The following DOCK4 variants were observed in gnomAD, a reference collection of about 807,000 sequenced individuals.
DOCK4 encodes the protein dedicator of cytokinesis 4.
In DOCK4, 97 loss-of-function variants were observed where a neutral mutation model predicts 268.1. That is an observed-to-expected ratio of 0.36 (90% CI 0.31 to 0.43). The LOEUF (loss-of-function observed/expected upper bound fraction) is 0.43, where lower values mean the gene tolerates loss of function less well. DOCK4 is among the 20% of genes least tolerant of loss of function. The pLI is 1.00. For missense variants in DOCK4, 2,145 were observed against 2,455.7 expected, an observed-to-expected ratio of 0.87 and a Z score of 2.67; for synonymous variants, 954 against 887.2, an observed-to-expected ratio of 1.08 and a Z score of -1.34.
intron 1 of DOCK4, among the ~76,000 whole-genome samples, chr7:112,135,555 T>A (rs971633129): frequency 2.0e-5 from 3 of 152,170 alleles, no homozygotes; most frequent in African/African-American, 7.2e-5. Flanking sequence ...TCTCCTTTAA[T>A]CAACAGAAAG....
intron 1 of DOCK4, among the ~76,000 whole-genome samples, chr7:112,150,190 C>T (rs1052091284): frequency 6.6e-6 from 1 of 152,114 alleles, no homozygotes; most frequent in South Asian, 2.1e-4. Flanking sequence ...AGAAATTTCT[C>T]CTTCTAAGAC....
chr7:112,135,351 T>C (rs764460574), intron 1 of DOCK4, among the ~76,000 whole-genome samples: 3 of 152,184 alleles, frequency 2.0e-5, no homozygotes, highest in Non-Finnish European at 4.4e-5. Flanking sequence ...TAAGCATCTA[T>C]CTATTCTTAC....
chr7:112,135,380 C>A (rs1341459359), intron 1 of DOCK4, among the ~76,000 whole-genome samples: 1 of 151,828 alleles, frequency 6.6e-6, no homozygotes, highest in Non-Finnish European at 1.5e-5. Flanking sequence ...ATTATACTTC[C>A]CTGATGCAGT....
chr7:111,793,214 T>A (rs1799671608), intron 30 of DOCK4, among the ~76,000 whole-genome samples: 1 of 152,202 alleles, frequency 6.6e-6, no homozygotes, highest in Non-Finnish European at 1.5e-5. Context: ...CACAGCTAAA[T>A]ATTTTAGATT....
intron 45 of DOCK4, 100 bp from the exon 46 acceptor site, chr7:111,741,761 C>A: frequency 7.1e-7 from 1 of 1,418,098 alleles, no homozygotes; most frequent in South Asian, 1.5e-5. Context: ...TAATTGCCAT[C>A]AAGTCTTCAC....
chr7:111,738,125 C>T (rs534428476), intron 49 of DOCK4, among the ~76,000 whole-genome samples: 1 of 152,208 alleles, frequency 6.6e-6, no homozygotes, highest in Non-Finnish European at 1.5e-5. Context: ...AAACTCAGGG[C>T]TACCCATGAA....
At chr7:111,849,599 A>T (rs1209597566) in intron 23 of DOCK4, among the ~76,000 whole-genome samples, 1 of 152,100 alleles carries the variant, frequency 6.6e-6, no homozygotes, top group Non-Finnish European at 1.5e-5. Context: ...CCAATATCTG[A>T]TGATCCTTCA....
chr7:111,972,298 C>A (rs1051608189), intron 8 of DOCK4, among the ~76,000 whole-genome samples: 1 of 151,560 alleles, frequency 6.6e-6, no homozygotes, highest in African/African-American at 2.4e-5. Context: ...AGGCCTTGGG[C>A]CAGAGCACGG....
intron 30 of DOCK4, among the ~76,000 whole-genome samples, chr7:111,804,573 T>C (rs1373019483): frequency 6.6e-6 from 1 of 152,006 alleles, no homozygotes; most frequent in East Asian, 1.9e-4. Context: ...GCCTGAAAAA[T>C]AGTTAGAATG....
rs552009581 is a variant in DOCK4, at chr7:111,912,857, C to CT, written c.1192+2921dup. ...TTACTAAATAACAATTAGACTTTTT[C>CT]TTTTTTTTTTGCTTTTAAACTTCAA... On this transcript the variant is annotated intron_variant, in intron 13 of 52. Coordinates refer to ENST00000428084, the MANE Select transcript of DOCK4 (RefSeq NM_001363540.2). Among the ~76,000 whole-genome samples, 1,127 of 144,714 alleles carry CT rather than the reference C, an allele frequency of 7.8e-3. 14 individuals are homozygous for CT. The highest frequency in any genetic ancestry group is 0.025 in the African/African-American group (983 of 39,454). 94.9% of individuals were successfully genotyped at this position (144,714 alleles called of 152,430 possible). A position where few individuals can be genotyped will look rare whatever the true frequency, so the allele number is the denominator to read the frequency against.
At chr7:112,019,857 A>C (rs960307785) in intron 1 of DOCK4, among the ~76,000 whole-genome samples, 6 of 152,100 alleles carry the variant, frequency 3.9e-5, no homozygotes, top group African/African-American at 9.7e-5. Context: ...TGAAGTCTTT[A>C]AAAAAAATTC....
At chr7:111,869,794 T>C (rs1333294651) in intron 20 of DOCK4, 139 bp from the exon 21 acceptor site, 2 of 677,514 alleles carry the variant, frequency 3.0e-6, no homozygotes, top group Non-Finnish European at 5.1e-6. Context: ...ATCTGCTGTA[T>C]AATAATTTTA....
At chr7:112,205,772 G>GACACACACACACAC (rs35579043) in intron 1 of DOCK4, among the ~76,000 whole-genome samples, 1 of 148,758 alleles carries the variant, frequency 6.7e-6, no homozygotes, top group African/African-American at 2.5e-5. Context: ...CTTCCAACTT[G>GACACACACACACAC]ACACACACAC....
intron 1 of DOCK4, among the ~76,000 whole-genome samples, chr7:112,085,269 C>T (rs771664500): frequency 1.3e-5 from 2 of 152,018 alleles, no homozygotes; most frequent in Non-Finnish European, 2.9e-5. Context: ...CTTTCATAAA[C>T]CAGTAAACAA....
At chr7:111,851,444 C>CAAAAAA (rs71524820) in intron 23 of DOCK4, among the ~76,000 whole-genome samples, 1 of 73,112 alleles carries the variant, frequency 1.4e-5, no homozygotes, top group Non-Finnish European at 3.0e-5. Flanking sequence ...GACTCCATCT[C>CAAAAAA]AAAAAAAAAA....
At chr7:111,741,792 G>C in intron 45 of DOCK4, 131 bp from the exon 46 acceptor site, 1 of 1,319,176 alleles carries the variant, frequency 7.6e-7, no homozygotes. Flanking sequence ...ATTAAAGCAA[G>C]TTCCAGTATT....
chr7:111,865,252 T>C (rs1042860504), intron 22 of DOCK4, among the ~76,000 whole-genome samples: 1 of 152,214 alleles, frequency 6.6e-6, no homozygotes, highest in African/African-American at 2.4e-5. Flanking sequence ...GGGTTAGCCC[T>C]TAGTCCTTCC....
At chr7:111,872,399 C>T (rs746571891) in intron 18 of DOCK4, 47 bp from the exon 19 acceptor site, 15 of 1,527,966 alleles carry the variant, frequency 9.8e-6, no homozygotes, top group Non-Finnish European at 1.3e-5. Context: ...TACTATCTGT[C>T]TTTTTCCTCC....
In DOCK4 at chr7:112,184,873, C is replaced by T. The variant is rs1056111578; in HGVS notation, c.37+21229G>A. ...CAACAATTTTAACTGCTCCTGACCT[C>T]CATGTGAAACTCAAGATCATCCACA... On this transcript the variant is annotated intron_variant, in intron 1 of 52. Transcript: ENST00000428084. Among the ~76,000 whole-genome samples the T allele has an allele frequency of 9.8e-5, 15 of 152,288 alleles. No homozygotes were observed. In the East Asian group the frequency reaches 2.1e-3, roughly 22 times the overall value.
Sources: gnomAD v4.1 joint callset for allele counts (sites outside exome capture counted in the v4.1 genomes callset) on GRCh38, gnomAD v4.1.1 for gene constraint, MANE v1.5 for transcripts, NCBI Gene and HGNC (gene_info 2026-07-23, HGNC 2026-07-21) for gene names.